The following PRKCA variants were observed in gnomAD, a reference collection of about 807,000 sequenced individuals.
The protein encoded by PRKCA is protein kinase C alpha type.
Under a neutral mutation model 87.0 loss-of-function variants are expected in PRKCA, and 27 were observed. The ratio of observed to expected loss-of-function variants is 0.31; its 90% confidence interval spans 0.23 to 0.43. The LOEUF (loss-of-function observed/expected upper bound fraction) is 0.43, where lower values mean the gene tolerates loss of function less well. Among genes scored for constraint, PRKCA ranks in the 20% least tolerant of loss-of-function variants. The probability of loss-of-function intolerance (pLI) is 1.00; values close to 1 mark genes in which losing one functional copy is unlikely to be tolerated. For missense variants in PRKCA, 518 were observed against 852.3 expected, an observed-to-expected ratio of 0.61 and a Z score of 4.88; for synonymous variants, 329 against 311.1, an observed-to-expected ratio of 1.06 and a Z score of -0.61.
intron 9 of PRKCA, among the ~76,000 whole-genome samples, chr17:66,733,787 G>A (rs186202978): frequency 3.7e-4 from 56 of 152,160 alleles, no homozygotes; most frequent in East Asian, 2.7e-3. Context: ...GGGAGACTCC[G>A]TCTCAAAAAA....
chr17:66,374,783 A>G (rs1909327655), intron 2 of PRKCA, among the ~76,000 whole-genome samples: 1 of 142,056 alleles, frequency 7.0e-6, no homozygotes, highest in Non-Finnish European at 1.5e-5. Flanking sequence ...GCTGGAGCAC[A>G]GTGGCTTGAT....
chr17:66,795,160 T>C (rs1975637785), intron 16 of PRKCA, among the ~76,000 whole-genome samples: 1 of 152,202 alleles, frequency 6.6e-6, no homozygotes, highest in Non-Finnish European at 1.5e-5. Flanking sequence ...TGGTACTATG[T>C]TCTTTTAATA....
chr17:66,323,428 G>A (rs1232379931), intron 2 of PRKCA, among the ~76,000 whole-genome samples: 1 of 152,182 alleles, frequency 6.6e-6, no homozygotes, highest in Non-Finnish European at 1.5e-5. Context: ...CCAAAATTGA[G>A]AGCAGTTAGT....
At chr17:66,747,864 C>T (rs117809747) in intron 13 of PRKCA, among the ~76,000 whole-genome samples, 3,656 of 152,278 alleles carry the variant, frequency 0.024, 48 homozygotes, top group Non-Finnish European at 0.03. Context: ...ACGTGGGCAT[C>T]GATCTGTTGG....
At chr17:66,730,198 T>C (rs1973851727) in intron 8 of PRKCA, among the ~76,000 whole-genome samples, 2 of 152,176 alleles carry the variant, frequency 1.3e-5, no homozygotes, top group African/African-American at 2.4e-5. Context: ...GCTGAGTGCA[T>C]GTCCTGTGCC....
At chr17:66,665,867 A>G (rs1227955700) in intron 5 of PRKCA, among the ~76,000 whole-genome samples, 3 of 152,200 alleles carry the variant, frequency 2.0e-5, no homozygotes, top group African/African-American at 7.2e-5. Context: ...CTTTATCCAG[A>G]AAAGCACACA....
chr17:66,340,207 T>G (rs1222345851), intron 2 of PRKCA: 1 of 152,140 alleles, frequency 6.6e-6, no homozygotes, highest in Non-Finnish European at 1.5e-5. Context: ...AAAATGTTTG[T>G]TTCAGCCCAT....
chr17:66,624,827 A>AAAT (rs1567939166), intron 3 of PRKCA, among the ~76,000 whole-genome samples: 74 of 145,682 alleles, frequency 5.1e-4, no homozygotes, highest in African/African-American at 1.8e-3. Context: ...AATAAATAAA[A>AAAT]AGAATTATTT....
intron 2 of PRKCA, among the ~76,000 whole-genome samples, chr17:66,458,775 C>T (rs772276736): frequency 3.3e-5 from 5 of 152,170 alleles, no homozygotes; most frequent in Non-Finnish European, 7.4e-5. Flanking sequence ...GCCACCGTGC[C>T]CTGCCCCTTT....
chr17:66,582,239 C>T (rs1249279760), intron 3 of PRKCA, among the ~76,000 whole-genome samples: 1 of 152,184 alleles, frequency 6.6e-6, no homozygotes, highest in Admixed American at 6.5e-5. Context: ...GTATTAACTA[C>T]CGCAACTCAA....
At chr17:66,303,583 C>T (rs761837094) in intron 1 of PRKCA, among the ~76,000 whole-genome samples, 1 of 152,060 alleles carries the variant, frequency 6.6e-6, no homozygotes, top group Non-Finnish European at 1.5e-5. Flanking sequence ...GCTGCATCTA[C>T]TGGGCACGGA....
At chr17:66,746,275 A>G (rs1035130553) in intron 13 of PRKCA, among the ~76,000 whole-genome samples, 1 of 143,926 alleles carries the variant, frequency 6.9e-6, no homozygotes, top group Non-Finnish European at 1.5e-5. Context: ...GCCTCAGTCC[A>G]TAGGTTGCTG....
intron 2 of PRKCA, among the ~76,000 whole-genome samples, chr17:66,410,228 ATTTT>A (rs965980744): frequency 1.3e-5 from 2 of 148,376 alleles, no homozygotes; most frequent in African/African-American, 5.0e-5. Flanking sequence ...TTGATTAATG[ATTTT>A]TTTGTTTGTG....
At chr17:66,545,286 A>G (rs1020929196) in intron 3 of PRKCA, among the ~76,000 whole-genome samples, 36 of 152,088 alleles carry the variant, frequency 2.4e-4, no homozygotes, top group Admixed American at 6.5e-4. Flanking sequence ...AAAATTAGCC[A>G]GGCGTGGTGG....
At chr17:66,488,344 C>T (rs1341705520) in intron 2 of PRKCA, among the ~76,000 whole-genome samples, 3 of 152,118 alleles carry the variant, frequency 2.0e-5, no homozygotes, top group South Asian at 2.1e-4. Context: ...TTTAATGGTT[C>T]GTGTGACTGA....
chr17:66,736,418 C>T (rs1373260175), intron 10 of PRKCA, among the ~76,000 whole-genome samples: 1 of 152,040 alleles, frequency 6.6e-6, no homozygotes. Context: ...GCTGGGATTA[C>T]AGGCCGCTGC....
Position 66,808,096 on chromosome 17 carries a change from T to G in PRKCA, c.*4059T>G, listed in dbSNP as rs1976074119. On this transcript the variant is annotated 3_prime_UTR_variant, in exon 17 of 17. Coordinates refer to ENST00000413366, the MANE Select transcript of PRKCA (RefSeq NM_002737.3). ...CCCCTTTCCCCTCCCCACCTTGAAGTAGCTCATAGTTCTCTGGGCAGAGCC... is the reference window on the plus strand; with the variant it reads ...CCCCTTTCCCCTCCCCACCTTGAAGGAGCTCATAGTTCTCTGGGCAGAGCC... 1 of 152,156 alleles carries G rather than the reference T, an allele frequency of 6.6e-6. No individual in the cohort carries two copies. The highest frequency in any genetic ancestry group is 2.4e-5 in the African/African-American group (1 of 41,404). 9.4% of individuals were successfully genotyped at this position (152,156 alleles called of 1,614,324 possible). A position where few individuals can be genotyped will look rare whatever the true frequency, so the allele number is the denominator to read the frequency against.
At chr17:66,672,914 T>G (rs1972230548) in intron 5 of PRKCA, among the ~76,000 whole-genome samples, 1 of 152,250 alleles carries the variant, frequency 6.6e-6, no homozygotes, top group Non-Finnish European at 1.5e-5. Context: ...GTGCCAATGT[T>G]GGTTCTCCCA....
intron 2 of PRKCA, among the ~76,000 whole-genome samples, chr17:66,350,264 A>T (rs2143416134): frequency 6.6e-6 from 1 of 152,092 alleles, no homozygotes; most frequent in Non-Finnish European, 1.5e-5. Flanking sequence ...TTCTGATCTG[A>T]GAGGAAGGGC....
Sources: gnomAD v4.1 joint callset for allele counts (sites outside exome capture counted in the v4.1 genomes callset) on GRCh38, gnomAD v4.1.1 for gene constraint, MANE v1.5 for transcripts, NCBI Gene and HGNC (gene_info 2026-07-23, HGNC 2026-07-21) for gene names.